SLC10A7: variants seen among roughly 807,000 people sequenced by gnomAD.
SLC10A7 encodes the protein solute carrier family 10 member 7.
Under a neutral mutation model 43.2 loss-of-function variants are expected in SLC10A7, and 29 were observed. That is an observed-to-expected ratio of 0.67 (90% CI 0.50 to 0.92). SLC10A7 has a LOEUF of 0.92. Among genes scored for constraint, SLC10A7 ranks in the 40% least tolerant of loss-of-function variants. The pLI, the probability that SLC10A7 is intolerant of heterozygous loss-of-function variation, is 0.00. For missense variants in SLC10A7, 295 were observed against 403.2 expected (o/e 0.73, Z 2.30); for synonymous variants, 152 against 144.8 (o/e 1.05, Z -0.35).
intron 5 of SLC10A7, among the ~76,000 whole-genome samples, chr4:146,343,716 A>G (rs1292941509): frequency 1.3e-5 from 2 of 152,042 alleles, no homozygotes; most frequent in African/African-American, 2.4e-5. Flanking sequence ...GTGAAGTACA[A>G]TAATAAAGTA....
At position 146,483,890 on chromosome 4, in the gene SLC10A7, T is replaced by G. The variant is rs183173384; in HGVS notation, c.396+19959A>C. ...CTGTCAAAAGAGAAAAAGAAGGTTTTTATTAAATGATAAAGGGGTCAATTC... is the reference window on the plus strand; with the variant it reads ...CTGTCAAAAGAGAAAAAGAAGGTTTGTATTAAATGATAAAGGGGTCAATTC... On this transcript the variant is annotated intron_variant, in intron 4 of 11. Coordinates refer to ENST00000335472, the MANE Select transcript of SLC10A7 (RefSeq NM_001029998.6). Among the ~76,000 whole-genome samples, 6 of 152,338 alleles carry G rather than the reference T, an allele frequency of 3.9e-5. No homozygotes were observed. In the East Asian group the frequency reaches 1.2e-3, roughly 29 times the overall value.
chr4:146,358,072 A>C (rs1296633018), intron 5 of SLC10A7, among the ~76,000 whole-genome samples: 5 of 142,198 alleles, frequency 3.5e-5, no homozygotes, highest in African/African-American at 1.4e-4. Context: ...AAGCACCCCC[A>C]CAAAAAAAAA....
At chr4:146,509,767 T>C in intron 3 of SLC10A7, 146 bp downstream of exon 3, 1 of 627,940 alleles carries the variant, frequency 1.6e-6, no homozygotes. Flanking sequence ...TGAAATACTA[T>C]TGTTTTAAAG....
intron 5 of SLC10A7, among the ~76,000 whole-genome samples, chr4:146,357,748 T>C (rs1397719373): frequency 9.9e-5 from 15 of 152,076 alleles, no homozygotes; most frequent in Non-Finnish European, 1.5e-5. Flanking sequence ...ATATGTCCCC[T>C]GGAATTTGGG....
At chr4:146,418,587 T>A (rs1728737736) in intron 5 of SLC10A7, among the ~76,000 whole-genome samples, 1 of 152,188 alleles carries the variant, frequency 6.6e-6, no homozygotes, top group Admixed American at 6.5e-5. Flanking sequence ...TTTTTTATGA[T>A]CGTTTTTAAT....
chr4:146,413,094 A>C (rs1728312331), intron 5 of SLC10A7, among the ~76,000 whole-genome samples: 1 of 152,290 alleles, frequency 6.6e-6, no homozygotes, highest in South Asian at 2.1e-4. Flanking sequence ...TATCCTTTAA[A>C]AATTGATATT....
intron 5 of SLC10A7, among the ~76,000 whole-genome samples, chr4:146,400,674 A>C (rs1739168014): frequency 6.6e-6 from 1 of 151,970 alleles, no homozygotes; most frequent in African/African-American, 2.4e-5. Flanking sequence ...GACTTGTGGA[A>C]TTTTTCCACA....
At chr4:146,346,020 G>T (rs1734597658) in intron 5 of SLC10A7, among the ~76,000 whole-genome samples, 1 of 152,040 alleles carries the variant, frequency 6.6e-6, no homozygotes, top group Non-Finnish European at 1.5e-5. Flanking sequence ...TTGAGGTCAG[G>T]ATTTGGACTC....
chr4:146,462,635 A>C (rs1428440997), intron 4 of SLC10A7, among the ~76,000 whole-genome samples: 1 of 152,236 alleles, frequency 6.6e-6, no homozygotes, highest in Admixed American at 6.5e-5. Flanking sequence ...GTCAGTAAGC[A>C]GTGAAGCACT....
intron 5 of SLC10A7, among the ~76,000 whole-genome samples, chr4:146,369,840 G>A (rs1736644380): frequency 1.3e-5 from 2 of 152,070 alleles, no homozygotes; most frequent in Non-Finnish European, 2.9e-5. Context: ...TGTACAGACT[G>A]CTGATGTGGA....
At chr4:146,428,046 G>T (rs572167487) in intron 5 of SLC10A7, among the ~76,000 whole-genome samples, 1 of 151,932 alleles carries the variant, frequency 6.6e-6, no homozygotes, top group Non-Finnish European at 1.5e-5. Flanking sequence ...GCATGGTGGC[G>T]CATGCCTGTA....
In SLC10A7 at chr4:146,345,485, C is replaced by T. The variant is rs539238986; in HGVS notation, c.436-19489G>A. Among the ~76,000 whole-genome samples, 12 of 152,202 alleles carry T rather than the reference C, an allele frequency of 7.9e-5. No homozygotes were observed. The South Asian group carries it at 1.0e-3, about 13-fold the overall frequency. On this transcript the variant is annotated intron_variant, in intron 5 of 11. Coordinates refer to ENST00000335472, the MANE Select transcript of SLC10A7 (RefSeq NM_001029998.6). ...TCCATTCTCCACCTGGCTCTCTATA[C>T]GCTAGCCACAGGGCCCTTGGTCTAT...
intron 4 of SLC10A7, among the ~76,000 whole-genome samples, chr4:146,476,522 G>C (rs1734045106): frequency 6.6e-6 from 1 of 151,966 alleles, no homozygotes; most frequent in Non-Finnish European, 1.5e-5. Context: ...TGTGTCTTGG[G>C]GTGAACGGTA....
rs533911464 is a variant in SLC10A7, at chr4:146,347,386, A to G, written c.436-21390T>C. On this transcript the variant is annotated intron_variant, in intron 5 of 11. Coordinates refer to ENST00000335472, the MANE Select transcript of SLC10A7 (RefSeq NM_001029998.6). ...GGCAATGAGATTATGAAATACCTCA[A>G]AAAGTGCTCTTTGGAAATTTAACTT... Among the ~76,000 whole-genome samples, 3 of 152,326 alleles carry G rather than the reference A, an allele frequency of 2.0e-5. No homozygotes were observed. In the East Asian group the frequency reaches 5.8e-4, roughly 29 times the overall value.
chr4:146,468,053 C>A (rs898119028), intron 4 of SLC10A7, among the ~76,000 whole-genome samples: 9 of 152,126 alleles, frequency 5.9e-5, no homozygotes, highest in Non-Finnish European at 1.2e-4. Flanking sequence ...CAACAGAGGA[C>A]CCCAGACTTA....
Position 146,464,418 on chromosome 4 carries a change from A to G in SLC10A7, c.397-21597T>C, listed in dbSNP as rs1176898378. ...GGTATTTTTTATTTATATTTTCTAT[A>G]TTGCTCACTAGGAATACATAATGCT... On this transcript the variant is annotated intron_variant, in intron 4 of 11. Coordinates refer to ENST00000335472, the MANE Select transcript of SLC10A7 (RefSeq NM_001029998.6). 2.0e-5 allele frequency among the ~76,000 whole-genome samples: 3 copies of G among 152,250 alleles called. No homozygotes were observed. In the East Asian group the frequency reaches 5.8e-4, roughly 29 times the overall value.
At chr4:146,423,886 G>A (rs1379348390) in intron 5 of SLC10A7, among the ~76,000 whole-genome samples, 1 of 152,188 alleles carries the variant, frequency 6.6e-6, no homozygotes, top group Non-Finnish European at 1.5e-5. Flanking sequence ...TTATTTTGAA[G>A]TTTTACTTAT....
chr4:146,311,812 C>T (rs534636543), intron 6 of SLC10A7, among the ~76,000 whole-genome samples: 3 of 152,160 alleles, frequency 2.0e-5, no homozygotes, highest in African/African-American at 4.8e-5. Flanking sequence ...ACTCCTAATA[C>T]CCATATCTCC....
chr4:146,514,944 GC>G, intron 2 of SLC10A7: 2 of 554,816 alleles, frequency 3.6e-6, no homozygotes, highest in South Asian at 5.0e-5. Context: ...GGAAGAAATG[GC>G]TTTGATTGCT....
Sources: allele counts gnomAD v4.1 joint callset (sites outside exome capture counted in the v4.1 genomes callset), GRCh38; gene constraint gnomAD v4.1.1; transcripts MANE v1.5; gene names NCBI Gene and HGNC (gene_info 2026-07-23, HGNC 2026-07-21).